MED13L: variants seen among roughly 807,000 people sequenced by gnomAD.
MED13L encodes mediator complex subunit 13L.
Under a neutral mutation model 220.9 loss-of-function variants are expected in MED13L, and 7 were observed. The ratio of observed to expected loss-of-function variants is 0.03; its 90% confidence interval spans 0.02 to 0.06. MED13L has a LOEUF of 0.06. Ranked by LOEUF, MED13L falls within the 10% of genes least tolerant of loss-of-function variation. MED13L has a pLI of 1.00. For missense variants in MED13L, 1,965 were observed against 2,760.5 expected (o/e 0.71, Z 6.46); for synonymous variants, 1,011 against 1,015.2 (o/e 1.00, Z 0.08).
intron 3 of MED13L, among the ~76,000 whole-genome samples, chr12:116,102,004 G>A (rs1873099990): frequency 6.6e-6 from 1 of 152,148 alleles, no homozygotes; most frequent in South Asian, 2.1e-4. Context: ...TATCTGGCAA[G>A]ATCACTGTGA....
At chr12:116,242,694 G>C (rs111771383) in intron 1 of MED13L, among the ~76,000 whole-genome samples, 1 of 152,090 alleles carries the variant, frequency 6.6e-6, no homozygotes. Context: ...CACCATACTA[G>C]TGACTTCATA....
rs145647286 is a variant in MED13L, at chr12:116,000,929, T to A, written c.2569+2074A>T. Among the ~76,000 whole-genome samples the A allele has an allele frequency of 6.1e-4, 93 of 151,950 alleles. No homozygotes were observed. In the East Asian group the frequency reaches 0.016, roughly 27 times the overall value. On this transcript the variant is annotated intron_variant, in intron 14 of 30. Transcript: ENST00000281928. ...GGTTGCATATGTAAAACATACACTG[T>A]ATTCCCAAAACTTCATACCAAAAAA...
At chr12:116,235,372 G>A (rs1869983411) in intron 2 of MED13L, among the ~76,000 whole-genome samples, 1 of 151,988 alleles carries the variant, frequency 6.6e-6, no homozygotes, top group Non-Finnish European at 1.5e-5. Flanking sequence ...AAACTCCAAA[G>A]AAAAGTAATC....
intron 2 of MED13L, among the ~76,000 whole-genome samples, chr12:116,228,415 C>G (rs1869218854): frequency 6.6e-6 from 1 of 152,160 alleles, no homozygotes. Context: ...CTCTTGGGCT[C>G]AAGTAATCCT....
At chr12:115,993,267 CAT>C (rs1342238907) in intron 16 of MED13L, among the ~76,000 whole-genome samples, 2 of 152,100 alleles carry the variant, frequency 1.3e-5, no homozygotes, top group Admixed American at 1.3e-4. Flanking sequence ...TGTATATTAG[CAT>C]ATGAGTCCAT....
At chr12:116,175,678 A>G (rs1880002076) in intron 2 of MED13L, among the ~76,000 whole-genome samples, 1 of 152,194 alleles carries the variant, frequency 6.6e-6, no homozygotes, top group Non-Finnish European at 1.5e-5. Context: ...GACCCAGAAA[A>G]GCAGGTATGA....
intron 2 of MED13L, among the ~76,000 whole-genome samples, chr12:116,154,167 C>G (rs560068765): frequency 4.7e-4 from 71 of 152,258 alleles, no homozygotes; most frequent in African/African-American, 1.6e-3. Context: ...ACTCTTAATT[C>G]CCCACTTTGC....
chr12:116,051,616 G>A lies in MED13L; in HGVS notation c.480-29015C>T, dbSNP rs1359785264. Among the ~76,000 whole-genome samples, 4 of 152,118 alleles carry A rather than the reference G, an allele frequency of 2.6e-5. 1 individual carries two copies. The highest frequency in any genetic ancestry group is 1.3e-4 in the Admixed American group (2 of 15,270). On this transcript the variant is annotated intron_variant, in intron 4 of 30. Coordinates refer to ENST00000281928, the MANE Select transcript of MED13L (RefSeq NM_015335.5). ...TGGAATATCTGCATACACATAATAA[G>A]ATATATTGGGAATGAGACCCAAGTC...
chr12:116,231,761 G>C (rs961735809), intron 2 of MED13L, among the ~76,000 whole-genome samples: 1 of 152,072 alleles, frequency 6.6e-6, no homozygotes, highest in African/African-American at 2.4e-5. Context: ...AGTATTTAGG[G>C]GCAAAGGTCC....
chr12:116,002,910 T>C, intron 14 of MED13L, 93 bp downstream of exon 14: 1 of 1,073,074 alleles, frequency 9.3e-7, no homozygotes, highest in South Asian at 1.3e-5. Context: ...AAGGGAAATT[T>C]CAGATAAAGA....
rs139255818 is a variant in MED13L at position 116,054,120 on chromosome 12, C to A, written c.480-31519G>T. 2.1e-3 allele frequency among the ~76,000 whole-genome samples: 318 copies of A among 152,176 alleles called. 1 individual carries two copies. The highest frequency in any genetic ancestry group is 7.3e-3 in the African/African-American group (305 of 41,506). ...CCATGCTCACTGCTCTGCTCCACGT[C>A]AACACAAAGGGAATTCTGCCAAAGA... On this transcript the variant is annotated intron_variant, in intron 4 of 30. Coordinates refer to ENST00000281928, the MANE Select transcript of MED13L (RefSeq NM_015335.5).
intron 2 of MED13L, among the ~76,000 whole-genome samples, chr12:116,201,706 T>C (rs1287317068): frequency 6.6e-6 from 1 of 152,144 alleles, no homozygotes; most frequent in Non-Finnish European, 1.5e-5. Context: ...TGCTTTTTTT[T>C]CTAGGAGACC....
chr12:116,070,883 G>A (rs1473818645), intron 4 of MED13L, among the ~76,000 whole-genome samples: 1 of 152,140 alleles, frequency 6.6e-6, no homozygotes, highest in African/African-American at 2.4e-5. Context: ...ATTGTTAAGT[G>A]AATCTTACAA....
intron 2 of MED13L, among the ~76,000 whole-genome samples, chr12:116,125,773 T>C (rs1383901909): frequency 6.6e-6 from 1 of 152,218 alleles, no homozygotes; most frequent in African/African-American, 2.4e-5. Context: ...AAGTTAATCA[T>C]CAGTATAAAA....
chr12:115,991,370 T>G lies in MED13L; in HGVS notation c.3584A>C (p.Gln1195Pro). The G allele has an allele frequency of 6.2e-7, 1 of 1,614,036 alleles. No individual in the cohort carries two copies. The highest frequency in any genetic ancestry group is 8.5e-7 in the Non-Finnish European group (1 of 1,180,014). ...CATCATTAAGCGCCTCTCTGCAGCCTGACCAATATCAGAATTCTTCCCAAA... is the reference window on the plus strand; with the variant it reads ...CATCATTAAGCGCCTCTCTGCAGCCGGACCAATATCAGAATTCTTCCCAAA... ...DIFGKNSDIG[Q>P]AAERRLMMCQ... is the part of the protein sequence containing the mutation. Residue 1195 changes from glutamine to proline, a missense_variant, in exon 17 of 31, where the codon CAG becomes CCG. By Grantham distance (76) the Gln-to-Pro change is moderately conservative. Coordinates refer to ENST00000281928, the MANE Select transcript of MED13L (RefSeq NM_015335.5). This position sits in a 1 kb window ranked among gnomAD's most constrained non-coding sequence, Gnocchi z 7.7.
In MED13L at chr12:116,221,028, C is replaced by T. The variant is rs537524268; in HGVS notation, c.310+16440G>A. Reference sequence around the variant, plus strand: ...GCCACTTATTTGATAACTACTAACTCTATCCTACATATTAAATAAAAATGA... The same window carrying T: ...GCCACTTATTTGATAACTACTAACTTTATCCTACATATTAAATAAAAATGA... On this transcript the variant is annotated intron_variant, in intron 2 of 30. Transcript: ENST00000281928. Among the ~76,000 whole-genome samples, 3 of 152,178 alleles carry T rather than the reference C, an allele frequency of 2.0e-5. No individual in the cohort carries two copies. The South Asian group carries it at 6.2e-4, about 32-fold the overall frequency.
chr12:116,106,095 A>G lies in MED13L; in HGVS notation c.395+5333T>C, dbSNP rs1488284878. Among the ~76,000 whole-genome samples the G allele has an allele frequency of 4.6e-5, 7 of 152,224 alleles. 1 individual carries two copies. On this transcript the variant is annotated intron_variant, in intron 3 of 30. Transcript: ENST00000281928. ...CTATAATCAATTACTCACAATGAACATGCAACATGAGCATGAAATAAACTT... is the reference window on the plus strand; with the variant it reads ...CTATAATCAATTACTCACAATGAACGTGCAACATGAGCATGAAATAAACTT...
At chr12:116,232,071 G>A (rs1166737152) in intron 2 of MED13L, 6 of 984,740 alleles carry the variant, frequency 6.1e-6, no homozygotes, top group African/African-American at 1.7e-5. Flanking sequence ...CGTGGTCACT[G>A]TCAGAAAACA....
chr12:116,277,014 C>T, intron 1 of MED13L, 46 bp downstream of exon 1: 1 of 1,395,750 alleles, frequency 7.2e-7, no homozygotes, highest in Non-Finnish European at 9.9e-7. Flanking sequence ...TCGGGGACCC[C>T]CCCCCTTCCC....
Sources: gnomAD v4.1 joint callset for allele counts (sites outside exome capture counted in the v4.1 genomes callset) on GRCh38, gnomAD v4.1.1 for gene constraint, Gnocchi (gnomAD v3.1) non-coding constraint, MANE v1.5 for transcripts, NCBI Gene and HGNC (gene_info 2026-07-23, HGNC 2026-07-21) for gene names.